Variants in GPC5 observed in about 807,000 individuals in gnomAD.
GPC5 encodes the protein glypican 5.
Under a neutral mutation model 53.9 loss-of-function variants are expected in GPC5, and 47 were observed. That is an observed-to-expected ratio of 0.87 (90% CI 0.69 to 1.11). The LOEUF (loss-of-function observed/expected upper bound fraction) is 1.11, where lower values mean the gene tolerates loss of function less well. GPC5 is among the 50% of genes most tolerant of loss of function. The probability of loss-of-function intolerance (pLI) is 0.00; values close to 1 mark genes in which losing one functional copy is unlikely to be tolerated. For synonymous variants in GPC5, 286 were observed against 263.3 expected (o/e 1.09, Z -0.84); for missense variants, 748 against 713.1 (o/e 1.05, Z -0.56).
intron 7 of GPC5, among the ~76,000 whole-genome samples, chr13:92,515,724 G>A (rs888185489): frequency 3.3e-5 from 5 of 152,090 alleles, no homozygotes; most frequent in Non-Finnish European, 5.9e-5. Flanking sequence ...GGAAATCCTG[G>A]TTTATGGATG....
intron 6 of GPC5, among the ~76,000 whole-genome samples, chr13:92,127,325 A>ATG (rs1481415752): frequency 2.7e-5 from 4 of 150,252 alleles, no homozygotes; most frequent in Non-Finnish European, 4.4e-5. Flanking sequence ...ATATATGTGT[A>ATG]TGTGTATATA....
At chr13:91,858,680 T>A (rs2038993486) in intron 5 of GPC5, among the ~76,000 whole-genome samples, 1 of 151,936 alleles carries the variant, frequency 6.6e-6, no homozygotes, top group Non-Finnish European at 1.5e-5. Context: ...TAGAACGAGT[T>A]TGGAAATACT....
Position 91,564,993 on chromosome 13 carries a change from T to TTG in GPC5, c.325+116071_325+116072insTG, listed in dbSNP as rs1555324939. Among the ~76,000 whole-genome samples the TTG allele has an allele frequency of 9.3e-5, 11 of 118,014 alleles. No homozygotes were observed. In the South Asian group the frequency reaches 1.3e-3, roughly 14 times the overall value. The allele number at this position is 118,014 out of a possible 152,430, so 77.4% of individuals were successfully genotyped here. A position where few individuals can be genotyped will look rare whatever the true frequency, so the allele number is the denominator to read the frequency against. ...TATTTATATTTCTGTGGCTTTTTTT[T>TTG]GGGGGGGGGTCGGTGGGACAGAGTC... On this transcript the variant is annotated intron_variant, in intron 2 of 7. Coordinates refer to ENST00000377067, the MANE Select transcript of GPC5 (RefSeq NM_004466.6).
At chr13:92,263,138 A>C (rs1400432897) in intron 7 of GPC5, among the ~76,000 whole-genome samples, 1 of 152,150 alleles carries the variant, frequency 6.6e-6, no homozygotes, top group Non-Finnish European at 1.5e-5. Context: ...ATTACTCTAA[A>C]TTATAGAATA....
At chr13:92,602,726 C>T (rs989758839) in intron 7 of GPC5, among the ~76,000 whole-genome samples, 2 of 152,104 alleles carry the variant, frequency 1.3e-5, no homozygotes, top group African/African-American at 2.4e-5. Flanking sequence ...GAAATTAGGT[C>T]AGTAACCTAA....
intron 7 of GPC5, among the ~76,000 whole-genome samples, chr13:92,685,642 A>G (rs1260549017): frequency 8.5e-6 from 1 of 117,768 alleles, no homozygotes; most frequent in African/African-American, 3.4e-5. Flanking sequence ...TACATGTGCC[A>G]TGCTGGTGCG....
chr13:92,771,382 G>A (rs1313688404), intron 7 of GPC5, among the ~76,000 whole-genome samples: 7 of 151,988 alleles, frequency 4.6e-5, no homozygotes, highest in East Asian at 1.9e-4. Flanking sequence ...TCGCTCTGTC[G>A]CCCAGGCTGG....
In GPC5 at chr13:92,385,462, A is replaced by ATATATACATATATACG. The variant is rs1566567602; in HGVS notation, c.1561+240473_1561+240474insTATATACATATATACG. The stretch of plus-strand genomic sequence containing the variant: ...CATATATACATATATACATATATAC[A>ATATATACATATATACG]CATATATACATATATACATATATAC... On this transcript the variant is annotated intron_variant, in intron 7 of 7. Coordinates refer to ENST00000377067, the MANE Select transcript of GPC5 (RefSeq NM_004466.6). Among the ~76,000 whole-genome samples the ATATATACATATATACG allele has an allele frequency of 5.4e-5, 6 of 111,130 alleles. 1 individual carries two copies. The highest frequency in any genetic ancestry group is 2.0e-4 in the African/African-American group (6 of 29,942). 72.9% of individuals were successfully genotyped at this position (111,130 alleles called of 152,430 possible).
At chr13:92,313,590 A>G (rs75700967) in intron 7 of GPC5, among the ~76,000 whole-genome samples, 1,557 of 152,318 alleles carry the variant, frequency 0.01, 22 homozygotes, top group African/African-American at 0.035. Context: ...CATCAGCCAA[A>G]AGATTTCATA....
At chr13:92,410,806 A>G (rs961727465) in intron 7 of GPC5, among the ~76,000 whole-genome samples, 2 of 152,250 alleles carry the variant, frequency 1.3e-5, no homozygotes, top group Admixed American at 1.3e-4. Flanking sequence ...TTTTGCTAAT[A>G]TTATTTAAAT....
intron 6 of GPC5, among the ~76,000 whole-genome samples, chr13:92,128,912 A>G (rs111494360): frequency 0.15 from 22,289 of 152,164 alleles, 1,768 homozygotes; most frequent in Admixed American, 0.19. Context: ...GCAGTGAGCC[A>G]ACATTGTGCC....
In GPC5 at chr13:92,823,433, A is replaced by T. The variant is rs182835632; in HGVS notation, c.1562-42849A>T. On this transcript the variant is annotated intron_variant, in intron 7 of 7. Coordinates refer to ENST00000377067, the MANE Select transcript of GPC5 (RefSeq NM_004466.6). Reference sequence around the variant, plus strand: ...ATAATATAATTTAATGAAAGTAAAAAGAATATGCCTAGAAATTTATATGAA... The same window carrying T: ...ATAATATAATTTAATGAAAGTAAAATGAATATGCCTAGAAATTTATATGAA... 8.5e-4 allele frequency among the ~76,000 whole-genome samples: 130 copies of T among 152,318 alleles called. 1 individual carries two copies. Among genetic ancestry groups the T allele is most frequent in the Admixed American group, 1.3e-3 (20 of 15,292 alleles).
intron 7 of GPC5, among the ~76,000 whole-genome samples, chr13:92,513,483 T>TTA (rs60939622): frequency 0.42 from 62,299 of 148,510 alleles, 13,564 homozygotes; most frequent in East Asian, 0.69. Flanking sequence ...TTTTTTTTTT[T>TTA]AATTAAGGCA....
At chr13:91,629,833 G>T (rs926351950) in intron 2 of GPC5, among the ~76,000 whole-genome samples, 3 of 152,070 alleles carry the variant, frequency 2.0e-5, no homozygotes, top group Admixed American at 2.0e-4. Context: ...ATGCAAAAAT[G>T]ACTTTAAACA....
chr13:91,558,154 G>T (rs1200919177), intron 2 of GPC5, among the ~76,000 whole-genome samples: 1 of 152,102 alleles, frequency 6.6e-6, no homozygotes, highest in African/African-American at 2.4e-5. Flanking sequence ...CTTTGGAATT[G>T]GTTGTTGCTG....
chr13:91,670,353 C>T (rs888300855), intron 2 of GPC5, among the ~76,000 whole-genome samples: 11 of 152,000 alleles, frequency 7.2e-5, no homozygotes, highest in African/African-American at 7.3e-5. Flanking sequence ...AACAGGGACA[C>T]GAATGTATAG....
intron 7 of GPC5, among the ~76,000 whole-genome samples, chr13:92,170,261 G>A (rs1191043222): frequency 6.6e-6 from 1 of 151,542 alleles, no homozygotes; most frequent in Non-Finnish European, 1.5e-5. Flanking sequence ...AATTTCTGAT[G>A]TCCTACACAA....
chr13:92,010,321 T>C (rs746865703), intron 6 of GPC5, among the ~76,000 whole-genome samples: 4 of 152,248 alleles, frequency 2.6e-5, no homozygotes, highest in Admixed American at 6.5e-5. Context: ...TTGCTCGTTT[T>C]ATTTATTGTT....
intron 6 of GPC5, among the ~76,000 whole-genome samples, chr13:92,048,457 G>A (rs1231835281): frequency 1.3e-5 from 2 of 152,174 alleles, no homozygotes; most frequent in African/African-American, 2.4e-5. Context: ...GAGTTTTATG[G>A]TGAGAACACA....
Sources: allele counts gnomAD v4.1 joint callset (sites outside exome capture counted in the v4.1 genomes callset), GRCh38; gene constraint gnomAD v4.1.1; transcripts MANE v1.5; gene names NCBI Gene and HGNC (gene_info 2026-07-23, HGNC 2026-07-21).